ZRANB3: variants seen among roughly 807,000 people sequenced by gnomAD.
ZRANB3 encodes the protein DNA annealing helicase and endonuclease ZRANB3.
Under a neutral mutation model 133.8 loss-of-function variants are expected in ZRANB3, and 125 were observed. The ratio of observed to expected loss-of-function variants is 0.93; its 90% confidence interval spans 0.81 to 1.08. The LOEUF (loss-of-function observed/expected upper bound fraction) is 1.08. ZRANB3 is among the 50% of genes least tolerant of loss of function. ZRANB3 has a pLI of 0.00. For missense variants in ZRANB3, 1,229 were observed against 1,275.5 expected, an observed-to-expected ratio of 0.96 and a Z score of 0.56; for synonymous variants, 387 against 432.7, an observed-to-expected ratio of 0.89 and a Z score of 1.31.
At chr2:135,425,284 A>C (rs1376559875) in intron 2 of ZRANB3, among the ~76,000 whole-genome samples, 3 of 152,200 alleles carry the variant, frequency 2.0e-5, no homozygotes, top group African/African-American at 7.2e-5. Context: ...CCCAGCAACA[A>C]ATTGTACTGA....
At chr2:135,329,798 T>C (rs1362279770) in intron 6 of ZRANB3, among the ~76,000 whole-genome samples, 2 of 151,270 alleles carry the variant, frequency 1.3e-5, no homozygotes, top group South Asian at 2.1e-4. Context: ...TGGATTCCTT[T>C]GTATTCTCTT....
chr2:135,324,633 T>C (rs767710075), intron 6 of ZRANB3, among the ~76,000 whole-genome samples: 1 of 152,190 alleles, frequency 6.6e-6, no homozygotes, highest in African/African-American at 2.4e-5. Flanking sequence ...TATTTCTAGT[T>C]CTAGATCCTT....
At chr2:135,291,408 C>A (rs1202090159) in intron 8 of ZRANB3, among the ~76,000 whole-genome samples, 2 of 151,938 alleles carry the variant, frequency 1.3e-5, no homozygotes, top group African/African-American at 4.8e-5. Flanking sequence ...GTCTTGAACT[C>A]CTGACCTCAA....
intron 2 of ZRANB3, among the ~76,000 whole-genome samples, chr2:135,465,939 A>G (rs1690970260): frequency 6.6e-6 from 1 of 152,232 alleles, no homozygotes; most frequent in Non-Finnish European, 1.5e-5. Context: ...ATTTATTGAA[A>G]CAAAATAACA....
intron 17 of ZRANB3, among the ~76,000 whole-genome samples, chr2:135,214,727 T>C (rs1327594163): frequency 6.6e-6 from 1 of 152,188 alleles, no homozygotes; most frequent in Admixed American, 6.5e-5. Context: ...TATATGTATA[T>C]AAATATGTAA....
intron 2 of ZRANB3, among the ~76,000 whole-genome samples, chr2:135,477,676 G>C (rs1691563275): frequency 6.6e-6 from 1 of 152,066 alleles, no homozygotes; most frequent in African/African-American, 2.4e-5. Flanking sequence ...TTTTTTGCTT[G>C]AACTGACTAA....
At chr2:135,385,658 G>A (rs145770001) in intron 3 of ZRANB3, among the ~76,000 whole-genome samples, 1 of 152,146 alleles carries the variant, frequency 6.6e-6, no homozygotes, top group East Asian at 1.9e-4. Flanking sequence ...CAATAGATCG[G>A]GAACAGAGGT....
At chr2:135,292,416 A>G (rs1681796527) in intron 8 of ZRANB3, among the ~76,000 whole-genome samples, 1 of 152,102 alleles carries the variant, frequency 6.6e-6, no homozygotes, top group Non-Finnish European at 1.5e-5. Context: ...GTCTGTTCAT[A>G]TCCTTCGCCC....
chr2:135,386,125 A>C (rs561156824), intron 3 of ZRANB3, among the ~76,000 whole-genome samples: 60 of 152,290 alleles, frequency 3.9e-4, no homozygotes, highest in African/African-American at 1.4e-3. Context: ...GAATCTACAG[A>C]GAACTCAAAC....
At chr2:135,499,567 AG>A (rs1319510131) in intron 2 of ZRANB3, among the ~76,000 whole-genome samples, 4 of 152,246 alleles carry the variant, frequency 2.6e-5, no homozygotes, top group Non-Finnish European at 4.4e-5. Context: ...ATTTAAAAAA[AG>A]ATGTCCAAAT....
chr2:135,337,231 G>T (rs1230876389), intron 6 of ZRANB3, among the ~76,000 whole-genome samples: 1 of 152,074 alleles, frequency 6.6e-6, no homozygotes, highest in Non-Finnish European at 1.5e-5. Flanking sequence ...TTCATATTCA[G>T]CTTAAGATGC....
intron 2 of ZRANB3, among the ~76,000 whole-genome samples, chr2:135,391,653 C>T (rs1300203324): frequency 1.3e-5 from 2 of 150,778 alleles, no homozygotes; most frequent in Admixed American, 6.6e-5. Context: ...GATCTCCGCT[C>T]ACTGCAAGCT....
intron 12 of ZRANB3, among the ~76,000 whole-genome samples, chr2:135,263,176 A>G (rs1680048010): frequency 1.3e-5 from 2 of 152,170 alleles, no homozygotes; most frequent in African/African-American, 4.8e-5. Flanking sequence ...TTTATGTTTT[A>G]CTATATATAT....
intron 2 of ZRANB3, among the ~76,000 whole-genome samples, chr2:135,393,224 A>T (rs1030238070): frequency 1.3e-5 from 2 of 152,208 alleles, no homozygotes; most frequent in African/African-American, 4.8e-5. Flanking sequence ...AAATTAAAAC[A>T]TATATAAGAG....
Position 135,243,501 on chromosome 2 carries a change from TA to T in ZRANB3, c.1540-12575del, listed in dbSNP as rs925030057. On this transcript the variant is annotated intron_variant, in intron 12 of 20. Coordinates refer to ENST00000264159, the MANE Select transcript of ZRANB3 (RefSeq NM_032143.4). ...CTGGGCAAGAGAGTGAGACTCCTTCTAAAAAAAATAATAATTTAAAAAAATT... is the reference window on the plus strand; with the variant it reads ...CTGGGCAAGAGAGTGAGACTCCTTCTAAAAAAATAATAATTTAAAAAAATT... Among the ~76,000 whole-genome samples, 23 of 152,148 alleles carry T rather than the reference TA, an allele frequency of 1.5e-4. No homozygotes were observed. The East Asian group carries it at 3.1e-3, about 20-fold the overall frequency.
chr2:135,385,103 T>C (rs375424127), intron 3 of ZRANB3, among the ~76,000 whole-genome samples: 1 of 152,188 alleles, frequency 6.6e-6, no homozygotes, highest in East Asian at 1.9e-4. Context: ...CCCCATCGTC[T>C]CAGCCCAAAA....
chr2:135,286,509 C>G (rs1681374522), intron 8 of ZRANB3, among the ~76,000 whole-genome samples: 1 of 152,170 alleles, frequency 6.6e-6, no homozygotes, highest in South Asian at 2.1e-4. Context: ...AACTCCTGGC[C>G]TCAAGTGATC....
At chr2:135,265,987 T>C in intron 11 of ZRANB3, among the ~76,000 whole-genome samples, 1 of 151,890 alleles carries the variant, frequency 6.6e-6, no homozygotes, top group East Asian at 1.9e-4. Flanking sequence ...AGGGGGGCGA[T>C]CACCTGAGGT....
At chr2:135,295,816 T>C (rs1204529960) in intron 8 of ZRANB3, among the ~76,000 whole-genome samples, 1 of 152,204 alleles carries the variant, frequency 6.6e-6, no homozygotes. Context: ...GTAAAGGATT[T>C]TATTTCTCCT....
Sources: allele counts gnomAD v4.1 joint callset (sites outside exome capture counted in the v4.1 genomes callset), GRCh38; gene constraint gnomAD v4.1.1; transcripts MANE v1.5; gene names NCBI Gene and HGNC (gene_info 2026-07-23, HGNC 2026-07-21).